Variants in SLC35E4 observed in about 807,000 individuals in gnomAD.
SLC35E4 encodes the protein solute carrier family 35 member E4.
Under a neutral mutation model 19.3 loss-of-function variants are expected in SLC35E4, and 15 were observed. That is an observed-to-expected ratio of 0.78 (90% CI 0.52 to 1.20). The LOEUF is 1.20. SLC35E4 is among the 50% of genes most tolerant of loss of function. The pLI, the probability that SLC35E4 is intolerant of heterozygous loss-of-function variation, is 0.00. For missense variants in SLC35E4, 406 were observed against 472.3 expected (o/e 0.86, Z 1.30); for synonymous variants, 219 against 219.9 (o/e 1.00, Z 0.04).
chr22:30,654,205 C>T (rs1478485416), intron 2 of SLC35E4: 1 of 309,290 alleles, frequency 3.2e-6, no homozygotes, highest in Non-Finnish European at 6.3e-6. Flanking sequence ...AGGATGGTCT[C>T]AATCTCCTGA....
At chr22:30,664,143 T>C (rs1223732968), downstream of SLC35E4, 3 of 731,936 alleles carry the variant, frequency 4.1e-6, no homozygotes, top group East Asian at 5.4e-5. Flanking sequence ...AGGGGATCCC[T>C]GGGAAATGGA....
At position 30,636,965 on chromosome 22, in the gene SLC35E4, TG is replaced by T. The variant is rs1368225782; in HGVS notation, c.520del (p.Ala174ProfsTer45). ...LQLAAMGPLC[L>X]GAACSLAGEF... Reference sequence around the variant, plus strand: ...TTGGCCGCCATGGGTCCGCTCTGCCTGGGGGCCGCCTGCAGCCTGGCTGGAG... The same window carrying T: ...TTGGCCGCCATGGGTCCGCTCTGCCTGGGGCCGCCTGCAGCCTGGCTGGAG... On this transcript the variant is annotated frameshift_variant, in exon 1 of 2. Coordinates refer to ENST00000343605, the MANE Select transcript of SLC35E4 (RefSeq NM_001001479.4). LOFTEE classifies it high-confidence loss of function. 2 of 1,611,724 alleles carry T rather than the reference TG, an allele frequency of 1.2e-6. No individual in the cohort carries two copies. Among genetic ancestry groups the T allele is most frequent in the Non-Finnish European group, 1.7e-6 (2 of 1,179,000 alleles).
At chr22:30,640,813 C>T (rs2088025583) in intron 1 of SLC35E4, among the ~76,000 whole-genome samples, 1 of 152,164 alleles carries the variant, frequency 6.6e-6, no homozygotes, top group Non-Finnish European at 1.5e-5. Context: ...GGGCCTCTTG[C>T]TCTCCCTTCG....
intron 1 of SLC35E4, among the ~76,000 whole-genome samples, chr22:30,643,632 C>T (rs1461477285): frequency 6.6e-6 from 1 of 152,102 alleles, no homozygotes; most frequent in Non-Finnish European, 1.5e-5. Flanking sequence ...GGACATCACA[C>T]AGGGCATCAG....
chr22:30,653,821 TTTTA>T (rs1356977760), intron 2 of SLC35E4: 1 of 152,260 alleles, frequency 6.6e-6, no homozygotes, highest in African/African-American at 2.4e-5. Flanking sequence ...AGTTCCCTGT[TTTTA>T]TTTATTTACA....
downstream of SLC35E4, among the ~76,000 whole-genome samples, chr22:30,648,823 G>A (rs2088171064): frequency 6.6e-6 from 1 of 152,050 alleles, no homozygotes; most frequent in South Asian, 2.1e-4. Context: ...CTGGGTGACA[G>A]AGCAAGACCC....
chr22:30,659,435 A>G (rs1329607865), intron 2 of SLC35E4, among the ~76,000 whole-genome samples: 1 of 152,006 alleles, frequency 6.6e-6, no homozygotes, highest in Non-Finnish European at 1.5e-5. Flanking sequence ...GTTCAATAGC[A>G]TGATCTTGGC....
chr22:30,663,429 G>A (rs1292051248), downstream of SLC35E4: 1 of 1,600,208 alleles, frequency 6.2e-7, no homozygotes, highest in Non-Finnish European at 8.6e-7. Flanking sequence ...AGGGGCTCGT[G>A]GGATGGCTCA....
chr22:30,657,184 C>T (rs1388554890), intron 2 of SLC35E4, among the ~76,000 whole-genome samples: 2 of 152,078 alleles, frequency 1.3e-5, no homozygotes, highest in Admixed American at 6.6e-5. Flanking sequence ...CCTGTAATCC[C>T]AGCACTTTGG....
Position 30,646,593 on chromosome 22 carries a change from T to TG in SLC35E4, c.620-4dup. 1 of 1,590,478 alleles carries TG rather than the reference T, an allele frequency of 6.3e-7. No homozygotes were observed. The highest frequency in any genetic ancestry group is 8.6e-7 in the Non-Finnish European group (1 of 1,166,874). On this transcript the variant is annotated splice_polypyrimidine_tract_variant and splice_region_variant and intron_variant, in intron 1 of 1. Coordinates refer to ENST00000343605, the MANE Select transcript of SLC35E4 (RefSeq NM_001001479.4). The stretch of plus-strand genomic sequence containing the variant: ...TGGGTGCTCATGGCGGTTGTCCTGT[T>TG]GCAGGTGCCCTGCTGCAGGAGGAGA...
intron 2 of SLC35E4, among the ~76,000 whole-genome samples, chr22:30,656,245 G>A (rs951574029): frequency 1.3e-5 from 2 of 152,024 alleles, no homozygotes; most frequent in African/African-American, 4.8e-5. Flanking sequence ...CCAAAGGGCT[G>A]GGATTACAGG....
chr22:30,657,866 T>C (rs1434793128), intron 2 of SLC35E4, among the ~76,000 whole-genome samples: 3 of 150,642 alleles, frequency 2.0e-5, no homozygotes, highest in Non-Finnish European at 2.9e-5. Context: ...ATCACGCCAC[T>C]GCACTCCAGC....
chr22:30,640,014 G>A (rs2088013621), intron 1 of SLC35E4, among the ~76,000 whole-genome samples: 1 of 152,162 alleles, frequency 6.6e-6, no homozygotes, highest in South Asian at 2.1e-4. Context: ...AGTAAAGACA[G>A]GCGTAAGAAA....
In SLC35E4 at chr22:30,636,346, G is replaced by A. The variant is rs2087944740; in HGVS notation, c.-105G>A. On this transcript the variant is annotated 5_prime_UTR_variant, in exon 1 of 2. Coordinates refer to ENST00000343605, the MANE Select transcript of SLC35E4 (RefSeq NM_001001479.4). ...TCCTCACCTGTCTGAAACGGGACACGGGGTCGGAGGAACCAGGATCTAGCC... is the reference window on the plus strand; with the variant it reads ...TCCTCACCTGTCTGAAACGGGACACAGGGTCGGAGGAACCAGGATCTAGCC... The A allele has an allele frequency of 1.4e-6, 2 of 1,399,518 alleles. No homozygotes were observed. The highest frequency in any genetic ancestry group is 1.9e-6 in the Non-Finnish European group (2 of 1,068,196). The allele number at this position is 1,399,518 out of a possible 1,614,324, so 86.7% of individuals were successfully genotyped here. A position where few individuals can be genotyped will look rare whatever the true frequency, so the allele number is the denominator to read the frequency against.
downstream of SLC35E4, among the ~76,000 whole-genome samples, chr22:30,650,160 C>T (rs954438037): frequency 2.0e-5 from 3 of 148,782 alleles, no homozygotes; most frequent in Non-Finnish European, 3.0e-5. Flanking sequence ...GGTGAAACCC[C>T]GTCTCTACTA....
At chr22:30,645,595 C>CAAAAAAA (rs1157239877) in intron 1 of SLC35E4, among the ~76,000 whole-genome samples, 2 of 82,132 alleles carry the variant, frequency 2.4e-5, no homozygotes, top group Non-Finnish European at 5.2e-5. Context: ...ACTCTGTCTC[C>CAAAAAAA]AAAAAAAAAA....
intron 1 of SLC35E4, among the ~76,000 whole-genome samples, chr22:30,641,370 G>A (rs1273320853): frequency 2.0e-5 from 3 of 152,056 alleles, no homozygotes; most frequent in Non-Finnish European, 4.4e-5. Context: ...CCTTGCTCTG[G>A]GCTCCTGCGG....
At chr22:30,653,191 C>T (rs1033833950) in intron 2 of SLC35E4, among the ~76,000 whole-genome samples, 1 of 152,158 alleles carries the variant, frequency 6.6e-6, no homozygotes, top group South Asian at 2.1e-4. Context: ...AAGGCCTGGG[C>T]TCCCTGGCCT....
At chr22:30,661,136 C>T (rs994477085) in intron 2 of SLC35E4, among the ~76,000 whole-genome samples, 4 of 152,002 alleles carry the variant, frequency 2.6e-5, no homozygotes, top group South Asian at 2.1e-4. Context: ...CCACCACGCC[C>T]GGCCTCAATT....
Sources: gnomAD v4.1 joint callset for allele counts (sites outside exome capture counted in the v4.1 genomes callset) on GRCh38, gnomAD v4.1.1 for gene constraint, MANE v1.5 for transcripts, NCBI Gene and HGNC (gene_info 2026-07-23, HGNC 2026-07-21) for gene names.